The following MYO9A variants were observed in gnomAD, a reference collection of about 807,000 sequenced individuals.
MYO9A encodes the protein myosin IXA, also known as unconventional myosin-IXa.
MYO9A carries 103 observed loss-of-function variants against 293.3 expected under a neutral mutation model. The ratio of observed to expected loss-of-function variants is 0.35; its 90% confidence interval spans 0.30 to 0.41. The LOEUF (loss-of-function observed/expected upper bound fraction) is 0.41, where lower values mean the gene tolerates loss of function less well. MYO9A is among the 10% of genes least tolerant of loss of function. The pLI is 1.00. For missense variants in MYO9A, 2,685 were observed against 3,033.0 expected (o/e 0.89, Z 2.69); for synonymous variants, 1,001 against 1,035.7 (o/e 0.97, Z 0.64).
intron 33 of MYO9A, among the ~76,000 whole-genome samples, chr15:71,861,191 T>C (rs2056109650): frequency 6.6e-6 from 1 of 151,360 alleles, no homozygotes; most frequent in African/African-American, 2.4e-5. Context: ...TGTTGAACCA[T>C]GGAATAAGTA....
At chr15:71,998,084 A>G (rs1188671732) in intron 9 of MYO9A, among the ~76,000 whole-genome samples, 1 of 152,214 alleles carries the variant, frequency 6.6e-6, no homozygotes, top group Non-Finnish European at 1.5e-5. Flanking sequence ...ATGCTCATCA[A>G]TGACACACTG....
chr15:71,828,149 C>T (rs2054585480), intron 40 of MYO9A, 123 bp from the exon 41 acceptor site: 4 of 1,113,204 alleles, frequency 3.6e-6, no homozygotes, highest in African/African-American at 1.6e-5. Context: ...TTTACTGTCC[C>T]CATCCAGGTG....
intron 1 of MYO9A, among the ~76,000 whole-genome samples, chr15:72,103,259 A>C (rs1474372641): frequency 2.7e-5 from 4 of 146,624 alleles, no homozygotes; most frequent in Admixed American, 2.7e-4. Flanking sequence ...GCAGAAGGAG[A>C]AGCAGAGGCA....
chr15:72,018,629 A>C (rs1398320100), intron 6 of MYO9A, among the ~76,000 whole-genome samples: 3 of 152,214 alleles, frequency 2.0e-5, no homozygotes, highest in African/African-American at 7.2e-5. Flanking sequence ...TAAAGAATGC[A>C]ATTTTTTGAA....
intron 6 of MYO9A, among the ~76,000 whole-genome samples, chr15:72,013,231 T>C (rs2149013195): frequency 6.6e-6 from 1 of 152,302 alleles, no homozygotes; most frequent in Non-Finnish European, 1.5e-5. Context: ...TGGGAAACAA[T>C]ATAAAACCTA....
intron 1 of MYO9A, among the ~76,000 whole-genome samples, chr15:72,063,811 CA>C (rs2078943157): frequency 6.6e-6 from 1 of 152,102 alleles, no homozygotes; most frequent in Non-Finnish European, 1.5e-5. Flanking sequence ...GGTATATACC[CA>C]AAAGAACGGA....
chr15:71,917,543 A>G (rs945062467), intron 18 of MYO9A, among the ~76,000 whole-genome samples: 9 of 152,168 alleles, frequency 5.9e-5, no homozygotes, highest in Admixed American at 5.9e-4. Context: ...AAAAACAAAA[A>G]ACAAAAAAAC....
At position 71,824,849 on chromosome 15, in the gene MYO9A, A is replaced by G. The variant is rs1319058694; in HGVS notation, c.*1731T>C. On this transcript the variant is annotated 3_prime_UTR_variant, in exon 42 of 42. Coordinates refer to ENST00000356056, the MANE Select transcript of MYO9A (RefSeq NM_006901.4). ...TAGCTGCCACTCAGAATTATGCTCC[A>G]AGTCTAACCTCTGGGGCTGGCCAAT... 6.6e-6 allele frequency: 1 copy of G among 152,222 alleles called. No individual in the cohort carries two copies. The highest frequency in any genetic ancestry group is 1.5e-5 in the Non-Finnish European group (1 of 68,036). 9.4% of individuals were successfully genotyped at this position (152,222 alleles called of 1,614,324 possible). A position where few individuals can be genotyped will look rare whatever the true frequency, so the allele number is the denominator to read the frequency against.
chr15:71,938,857 G>C lies in MYO9A; in HGVS notation c.2373C>G (p.Asn791Lys), dbSNP rs763192972. The C allele has an allele frequency of 6.2e-7, 1 of 1,607,850 alleles. No individual in the cohort carries two copies. The highest frequency in any genetic ancestry group is 1.1e-5 in the South Asian group (1 of 90,034). The change falls in exon 16 of 42, where the codon AAC becomes AAG. Residue 791 changes from asparagine (N) to lysine (K), a missense_variant. Transcript: ENST00000356056. ...CATAAACCAAACACACTTACTGTTG[G>C]TTTTTTTCATTTAGAGCATTCATGC... ...LQGMNALNEK[N>K]QHDTFDIAWN...
intron 39 of MYO9A, among the ~76,000 whole-genome samples, chr15:71,836,821 T>C (rs1220134639): frequency 6.6e-6 from 1 of 152,054 alleles, no homozygotes; most frequent in African/African-American, 2.4e-5. Flanking sequence ...AAGTCATTAA[T>C]GTAAAAATCA....
At chr15:71,863,860 G>C (rs991066870) in intron 32 of MYO9A, among the ~76,000 whole-genome samples, 3 of 152,040 alleles carry the variant, frequency 2.0e-5, no homozygotes, top group African/African-American at 7.2e-5. Context: ...TATTTTAACA[G>C]TCCTTTCAGA....
At chr15:71,859,232 G>GA (rs1483744299) in intron 34 of MYO9A, among the ~76,000 whole-genome samples, 1 of 152,130 alleles carries the variant, frequency 6.6e-6, no homozygotes, top group Non-Finnish European at 1.5e-5. Flanking sequence ...ATAAAAGCCT[G>GA]AATTTTTTAA....
At chr15:72,016,079 G>T (rs1326407825) in intron 6 of MYO9A, among the ~76,000 whole-genome samples, 3 of 151,936 alleles carry the variant, frequency 2.0e-5, no homozygotes, top group Non-Finnish European at 4.4e-5. Context: ...AGGAAACAAA[G>T]GCTGAGATGT....
chr15:71,883,461 A>C, intron 28 of MYO9A, 133 bp downstream of exon 28: 1 of 912,242 alleles, frequency 1.1e-6, no homozygotes, highest in Admixed American at 3.3e-5. Context: ...GGAAGGATTT[A>C]ACAATGCTGG....
intron 25 of MYO9A, among the ~76,000 whole-genome samples, chr15:71,895,347 T>C (rs1168402783): frequency 6.6e-6 from 1 of 152,234 alleles, no homozygotes; most frequent in African/African-American, 2.4e-5. Flanking sequence ...GACTTCACCA[T>C]GAATTCTTTT....
chr15:71,872,878 A>G (rs1365233546), intron 32 of MYO9A, among the ~76,000 whole-genome samples: 1 of 151,804 alleles, frequency 6.6e-6, no homozygotes, highest in Non-Finnish European at 1.5e-5. Flanking sequence ...TTTTGCACAA[A>G]TAGTAGCTTT....
chr15:71,903,229 G>A (rs567419408), intron 21 of MYO9A, among the ~76,000 whole-genome samples, 166 bp from the exon 22 acceptor site: 18 of 152,264 alleles, frequency 1.2e-4, no homozygotes, highest in Middle Eastern at 3.4e-3. Flanking sequence ...GGAAAACATA[G>A]GAGGTGGAGA....
At chr15:71,929,712 AC>A (rs1268579725) in intron 18 of MYO9A, among the ~76,000 whole-genome samples, 1 of 152,208 alleles carries the variant, frequency 6.6e-6, no homozygotes, top group Non-Finnish European at 1.5e-5. Flanking sequence ...AGATATCTGC[AC>A]TATTTACAAC....
At chr15:72,118,506 A>G (rs2081092753), upstream of MYO9A, 1 of 152,108 alleles carries the variant, frequency 6.6e-6, no homozygotes, top group Non-Finnish European at 1.5e-5. Flanking sequence ...TCGGCAGTGG[A>G]TCGCTCTCCC....
Sources: allele counts gnomAD v4.1 joint callset (sites outside exome capture counted in the v4.1 genomes callset), GRCh38; gene constraint gnomAD v4.1.1; transcripts MANE v1.5; gene names NCBI Gene and HGNC (gene_info 2026-07-23, HGNC 2026-07-21).